COL19A1: variants seen among roughly 807,000 people sequenced by gnomAD.
COL19A1 encodes the protein collagen alpha-1(XIX) chain.
COL19A1 carries 159 observed loss-of-function variants against 190.2 expected under a neutral mutation model. That is an observed-to-expected ratio of 0.84 (90% confidence interval 0.73 to 0.95). The LOEUF (loss-of-function observed/expected upper bound fraction) is 0.95, where lower values mean the gene tolerates loss of function less well. Ranked by LOEUF, COL19A1 falls within the 40% of genes least tolerant of loss-of-function variation. COL19A1 has a pLI of 0.00. For missense variants in COL19A1, 1,418 were observed against 1,431.9 expected (o/e 0.99, Z 0.16); for synonymous variants, 509 against 458.9 (o/e 1.11, Z -1.39).
chr6:69,960,252 A>T (rs1457641100), intron 10 of COL19A1, among the ~76,000 whole-genome samples: 2 of 152,174 alleles, frequency 1.3e-5, no homozygotes, highest in Admixed American at 6.5e-5. Context: ...AGCTTTAGTA[A>T]CATGCTCCTC....
intron 34 of COL19A1, among the ~76,000 whole-genome samples, chr6:70,158,733 T>G (rs772481625): frequency 3.9e-5 from 6 of 152,088 alleles, no homozygotes; most frequent in Non-Finnish European, 5.9e-5. Flanking sequence ...GAAAATATTC[T>G]TGGTAGCAAC....
intron 4 of COL19A1, among the ~76,000 whole-genome samples, chr6:69,910,496 A>G (rs1770842019): frequency 6.6e-6 from 1 of 152,182 alleles, no homozygotes; most frequent in South Asian, 2.1e-4. Context: ...CATGTAAATT[A>G]TCTTGTTATG....
rs141626975 is a variant in COL19A1, at chr6:70,069,388, A to G, written c.1224+912A>G. 7.9e-5 allele frequency among the ~76,000 whole-genome samples: 12 copies of G among 152,266 alleles called. No homozygotes were observed. In the South Asian group the frequency reaches 8.3e-4, roughly 11 times the overall value. ...CCTCAACTACAAATATTTGAGGGTC[A>G]GTGGTGTATTGTACTAAGGTTTACC... On this transcript the variant is annotated intron_variant, in intron 15 of 50. Transcript: ENST00000620364.
intron 48 of COL19A1, among the ~76,000 whole-genome samples, chr6:70,198,991 G>T (rs946445390): frequency 6.6e-6 from 1 of 152,120 alleles, no homozygotes; most frequent in Admixed American, 6.5e-5. Flanking sequence ...GGACTTCTTG[G>T]GTGACCTCAC....
rs139171484 is a variant in COL19A1 at position 70,095,805 on chromosome 6, G to C, written c.1225-6364G>C. On this transcript the variant is annotated intron_variant, in intron 15 of 50. Transcript: ENST00000620364. ...ATAGAGTATTTGGTTTTCTGTGACTGGTTTATTTCACTTAGTATAATGTCC... is the reference window on the plus strand; with the variant it reads ...ATAGAGTATTTGGTTTTCTGTGACTCGTTTATTTCACTTAGTATAATGTCC... 3.9e-5 allele frequency among the ~76,000 whole-genome samples: 6 copies of C among 152,114 alleles called. No individual in the cohort carries two copies. In the East Asian group the frequency reaches 1.2e-3, roughly 29 times the overall value.
At chr6:69,967,379 T>C (rs1037161819) in intron 11 of COL19A1, among the ~76,000 whole-genome samples, 1 of 152,198 alleles carries the variant, frequency 6.6e-6, no homozygotes, top group African/African-American at 2.4e-5. Context: ...TCGTGAATCA[T>C]AAGACTGAAG....
In COL19A1 at chr6:70,137,704, G is replaced by A. The variant is rs760925220; in HGVS notation, c.1403G>A (p.Gly468Glu). The change falls in exon 19 of 51, where the codon GGA becomes GAA. Residue 468 changes from glycine to glutamate, a missense_variant. By Grantham distance (98) the Gly-to-Glu change is moderately conservative (BLOSUM62 -2). Transcript: ENST00000620364. ...TGAAAGGGTGAAACTGGACTACCAG[G>A]ATTTCCAGGGTCTGTTGGCCCTAAA... ...KGDKGETGLP[G>E]FPGSVGPKGQ... 1.2e-6 allele frequency: 2 copies of A among 1,613,330 alleles called. No homozygotes were observed. The highest frequency in any genetic ancestry group is 2.2e-5 in the East Asian group (1 of 44,858).
chr6:70,180,569 C>G (rs927017402), intron 44 of COL19A1, 46 bp downstream of exon 44: 3 of 1,572,028 alleles, frequency 1.9e-6, no homozygotes, highest in Non-Finnish European at 2.6e-6. Context: ...GAGAAATGCT[C>G]TAACATTATC....
chr6:70,170,724 T>G (rs1185208443), intron 40 of COL19A1, among the ~76,000 whole-genome samples: 3 of 152,096 alleles, frequency 2.0e-5, no homozygotes, highest in Non-Finnish European at 4.4e-5. Context: ...GTTGTCAAGT[T>G]ACATATTAGG....
intron 15 of COL19A1, among the ~76,000 whole-genome samples, chr6:70,078,335 C>T: frequency 6.6e-6 from 1 of 152,164 alleles, no homozygotes; most frequent in East Asian, 1.9e-4. Flanking sequence ...AGATGGGATT[C>T]TTGTATAAGC....
At chr6:69,931,755 T>G (rs1055054617) in intron 6 of COL19A1, among the ~76,000 whole-genome samples, 1 of 152,282 alleles carries the variant, frequency 6.6e-6, no homozygotes, top group South Asian at 2.1e-4. Context: ...AATCTTAGGC[T>G]GCTCATGAAT....
chr6:69,986,503 A>G (rs928533042), intron 11 of COL19A1, among the ~76,000 whole-genome samples: 8 of 152,106 alleles, frequency 5.3e-5, no homozygotes, highest in East Asian at 3.9e-4. Flanking sequence ...TCAGAAGTCT[A>G]GGCATGTGCC....
intron 1 of COL19A1, among the ~76,000 whole-genome samples, chr6:69,868,142 C>T (rs1365368577): frequency 1.3e-5 from 2 of 151,310 alleles, no homozygotes; most frequent in Non-Finnish European, 2.9e-5. Flanking sequence ...GAGAGAACAC[C>T]AATGCCTCCC....
intron 15 of COL19A1, among the ~76,000 whole-genome samples, chr6:70,087,955 G>A (rs1782680891): frequency 6.6e-6 from 1 of 152,046 alleles, no homozygotes; most frequent in South Asian, 2.1e-4. Context: ...GAGGATTTGG[G>A]GTATATTTTT....
At chr6:70,161,645 G>T (rs1787812762) in intron 34 of COL19A1, among the ~76,000 whole-genome samples, 1 of 152,056 alleles carries the variant, frequency 6.6e-6, no homozygotes, top group Admixed American at 6.6e-5. Flanking sequence ...TGGGTGATGG[G>T]TGCACTAAAA....
intron 41 of COL19A1, among the ~76,000 whole-genome samples, chr6:70,172,518 C>G (rs924380856): frequency 6.6e-6 from 1 of 152,086 alleles, no homozygotes; most frequent in Admixed American, 6.6e-5. Context: ...TAGAGCAGTA[C>G]TACTCAATGT....
rs527579249 is a variant in COL19A1 at position 70,168,690 on chromosome 6, G to A, written c.2568+9G>A. On this transcript the variant is annotated intron_variant, in intron 40 of 50. Coordinates refer to ENST00000620364, the MANE Select transcript of COL19A1 (RefSeq NM_001858.6). ...GCGATCCTGGCCCAGTGGTATGAAT[G>A]TTCCCATGTTTTGTGTCATTTAGAA... The A allele has an allele frequency of 1.1e-5, 18 of 1,612,546 alleles. No homozygotes were observed. In the South Asian group the frequency reaches 2.0e-4, roughly 18 times the overall value.
intron 34 of COL19A1, among the ~76,000 whole-genome samples, chr6:70,160,210 A>G (rs576107450): frequency 6.6e-6 from 1 of 152,240 alleles, no homozygotes; most frequent in African/African-American, 2.4e-5. Flanking sequence ...CAGGAAACTT[A>G]CAATCATGAC....
At chr6:69,946,636 T>C (rs773395549) in intron 9 of COL19A1, among the ~76,000 whole-genome samples, 8 of 151,880 alleles carry the variant, frequency 5.3e-5, no homozygotes, top group Admixed American at 3.9e-4. Context: ...TAGGAAGAGG[T>C]AGATTCACTT....
Sources: allele counts gnomAD v4.1 joint callset (sites outside exome capture counted in the v4.1 genomes callset), GRCh38; gene constraint gnomAD v4.1.1; transcripts MANE v1.5; gene names NCBI Gene and HGNC (gene_info 2026-07-23, HGNC 2026-07-21).